The following TENT5D variants were observed in gnomAD, a reference collection of about 807,000 sequenced individuals.
TENT5D encodes terminal nucleotidyltransferase 5D.
For missense variants in TENT5D, 191 were observed against 287.0 expected (o/e 0.67, Z 2.42); for synonymous variants, 103 against 100.6 (o/e 1.02, Z -0.15).
At chrX:80,415,146 C>T (rs1272245784) in intron 3 of TENT5D, among the ~76,000 whole-genome samples, 3 of 111,360 alleles carry the variant, frequency 2.7e-5, no homozygotes, top group Non-Finnish European at 3.8e-5. Flanking sequence ...AGTTTTGTAT[C>T]CTGAAGATTT....
At chrX:80,408,360 C>T (rs1449674918) in intron 3 of TENT5D, among the ~76,000 whole-genome samples, 11 of 110,074 alleles carry the variant, frequency 1.0e-4, no homozygotes, top group East Asian at 5.7e-4. Flanking sequence ...GCTAGCAAGA[C>T]TAATAAAGGA....
At chrX:80,368,405 ATTC>A (rs1412145739) in intron 3 of TENT5D, among the ~76,000 whole-genome samples, 4 of 111,610 alleles carry the variant, frequency 3.6e-5, no homozygotes, top group Non-Finnish European at 7.5e-5. Context: ...CTTGTATATT[ATTC>A]TTTTTACTGG....
At chrX:80,407,992 T>A (rs1455446325) in intron 3 of TENT5D, among the ~76,000 whole-genome samples, 1 of 110,936 alleles carries the variant, frequency 9.0e-6, no homozygotes, top group Admixed American at 9.6e-5. Context: ...AACCTGCTCC[T>A]GAATGACTAC....
chrX:80,363,925 C>T (rs1930457196), intron 3 of TENT5D, among the ~76,000 whole-genome samples: 1 of 112,549 alleles, frequency 8.9e-6, no homozygotes, highest in Non-Finnish European at 1.9e-5. Flanking sequence ...CATTACCTCA[C>T]ATAATTACCT....
At chrX:80,370,090 G>GT (rs1292867034) in intron 3 of TENT5D, among the ~76,000 whole-genome samples, 31 of 104,797 alleles carry the variant, frequency 3.0e-4, no homozygotes, top group East Asian at 6.0e-4. Flanking sequence ...ACCCAACTAT[G>GT]TTTTTTTTTT....
chrX:80,355,519 C>A (rs1255290716), intron 3 of TENT5D, among the ~76,000 whole-genome samples: 10 of 111,913 alleles, frequency 8.9e-5, no homozygotes, highest in Non-Finnish European at 1.9e-4. Context: ...CTTCTGGGCT[C>A]TGCACAGGCT....
chrX:80,420,649 C>T (rs1231460416), intron 1 of TENT5D, 86 bp downstream of exon 1: 2 of 111,873 alleles, frequency 1.8e-5, no homozygotes, highest in Non-Finnish European at 3.8e-5. Context: ...ATATTTTGTC[C>T]AGAAACTTAT....
At chrX:80,444,725 A>G (rs910049460) in exon 3 of TENT5D, 3 of 123,007 alleles carry the variant, frequency 2.4e-5, no homozygotes, top group African/African-American at 9.7e-5. Flanking sequence ...ATTTTCTAAC[A>G]TGCCACTCAA....
At chrX:80,405,262 G>A (rs760683169) in intron 3 of TENT5D, among the ~76,000 whole-genome samples, 2 of 112,589 alleles carry the variant, frequency 1.8e-5, no homozygotes, top group African/African-American at 3.2e-5. Flanking sequence ...CAAGATGGCC[G>A]AATAGGAACA....
At chrX:80,386,577 TC>T (rs1415059352) in intron 3 of TENT5D, among the ~76,000 whole-genome samples, 1 of 110,976 alleles carries the variant, frequency 9.0e-6, no homozygotes, top group Non-Finnish European at 1.9e-5. Flanking sequence ...AAATAAAAAA[TC>T]TAAAAAAATA....
At chrX:80,342,109 G>A (rs1431124564) in intron 2 of TENT5D, among the ~76,000 whole-genome samples, 2 of 111,174 alleles carry the variant, frequency 1.8e-5, no homozygotes, top group Non-Finnish European at 3.8e-5. Flanking sequence ...GAATAAAAGA[G>A]ACATTCAATT....
intron 3 of TENT5D, among the ~76,000 whole-genome samples, chrX:80,394,086 C>T (rs897432687): frequency 2.7e-5 from 3 of 111,582 alleles, no homozygotes; most frequent in Admixed American, 9.5e-5. Context: ...AGAGGGATTG[C>T]TGGATCATGT....
chrX:80,405,582 G>A (rs749455505), intron 3 of TENT5D, among the ~76,000 whole-genome samples: 70 of 112,352 alleles, frequency 6.2e-4, no homozygotes, highest in African/African-American at 2.1e-3. Flanking sequence ...ATTATATCTC[G>A]CACCTGGCTC....
chrX:80,403,287 A>G (rs1026701709), intron 3 of TENT5D, among the ~76,000 whole-genome samples: 1 of 112,424 alleles, frequency 8.9e-6, no homozygotes, highest in African/African-American at 3.2e-5. Flanking sequence ...GTTTAAAAAA[A>G]TGAATCTTAC....
chrX:80,382,699 C>T (rs919631671), intron 3 of TENT5D, among the ~76,000 whole-genome samples: 4 of 15,183 alleles, frequency 2.6e-4, no homozygotes, highest in South Asian at 9.0e-3. Flanking sequence ...TCAGCAATGG[C>T]GGACGCCCCC....
chrX:80,364,245 C>T (rs199907756), intron 3 of TENT5D, among the ~76,000 whole-genome samples: 1 of 111,567 alleles, frequency 9.0e-6, no homozygotes, highest in African/African-American at 3.3e-5. Context: ...CTAATGATTA[C>T]CCCTAATTCA....
At chrX:80,357,911 AC>A (rs760010014) in intron 3 of TENT5D, among the ~76,000 whole-genome samples, 1 of 111,723 alleles carries the variant, frequency 9.0e-6, no homozygotes, top group Non-Finnish European at 1.9e-5. Flanking sequence ...CTGACTTCAA[AC>A]TATACTACAA....
At chrX:80,433,163 T>C (rs980201534) in intron 1 of TENT5D, among the ~76,000 whole-genome samples, 1 of 112,293 alleles carries the variant, frequency 8.9e-6, no homozygotes, top group Non-Finnish European at 1.9e-5. Context: ...CCTTGAAGCC[T>C]GCTGGTTATA....
chrX:80,409,577 C>T (rs967062218), intron 3 of TENT5D, among the ~76,000 whole-genome samples: 6 of 110,640 alleles, frequency 5.4e-5, no homozygotes, highest in African/African-American at 2.0e-4. Flanking sequence ...CTACAAACCA[C>T]TGCTCAAGGA....
Sources: allele counts gnomAD v4.1 joint callset (sites outside exome capture counted in the v4.1 genomes callset), GRCh38; gene constraint gnomAD v4.1.1; transcripts MANE v1.5; gene names NCBI Gene and HGNC (gene_info 2026-07-23, HGNC 2026-07-21).